The following KIAA0319L variants were observed in gnomAD, a reference collection of about 807,000 sequenced individuals.
KIAA0319L encodes the protein KIAA0319 like.
A neutral mutation model predicts 120.1 loss-of-function variants in KIAA0319L; 55 were observed. The observed-to-expected ratio is 0.46, with a 90% CI of 0.37 to 0.57. KIAA0319L has a LOEUF of 0.57. Ranked by LOEUF, KIAA0319L falls within the 20% of genes least tolerant of loss-of-function variation. KIAA0319L has a pLI of 0.00. For missense variants in KIAA0319L, 1,049 were observed against 1,255.3 expected (o/e 0.84, Z 2.48); for synonymous variants, 398 against 471.9 (o/e 0.84, Z 2.03).
chr1:35,446,038 G>A (rs766227946), intron 16 of KIAA0319L, among the ~76,000 whole-genome samples: 3 of 152,068 alleles, frequency 2.0e-5, no homozygotes, highest in Non-Finnish European at 4.4e-5. Flanking sequence ...ATCCCTAATC[G>A]TGCTATCTCT....
chr1:35,460,536 T>A, intron 8 of KIAA0319L, 99 bp from the exon 9 acceptor site: 1 of 1,088,018 alleles, frequency 9.2e-7, no homozygotes, highest in Non-Finnish European at 1.3e-6. Context: ...GATTTGAAGC[T>A]AGGAAAACTT....
intron 2 of KIAA0319L, among the ~76,000 whole-genome samples, chr1:35,552,949 T>G (rs896175048): frequency 6.6e-6 from 1 of 152,060 alleles, no homozygotes; most frequent in Non-Finnish European, 1.5e-5. Flanking sequence ...TAGCCGGGTG[T>G]GGTGGTGTGC....
At chr1:35,479,834 T>A (rs576606824) in intron 3 of KIAA0319L, among the ~76,000 whole-genome samples, 1 of 149,674 alleles carries the variant, frequency 6.7e-6, no homozygotes, top group East Asian at 2.0e-4. Context: ...GCCTGGGAGG[T>A]CAAGGCCGCA....
At chr1:35,471,503 T>G (rs1042304616) in intron 5 of KIAA0319L, among the ~76,000 whole-genome samples, 1 of 152,186 alleles carries the variant, frequency 6.6e-6, no homozygotes, top group South Asian at 2.1e-4. Flanking sequence ...TGGTAGGAGA[T>G]GGCCCATTTA....
intron 15 of KIAA0319L, among the ~76,000 whole-genome samples, chr1:35,449,611 C>T (rs960846323): frequency 2.0e-5 from 3 of 152,192 alleles, no homozygotes; most frequent in South Asian, 2.1e-4. Context: ...CTGTGTGACA[C>T]TGAGCAAGTC....
chr1:35,518,591 A>G (rs1645777801), intron 2 of KIAA0319L, among the ~76,000 whole-genome samples: 1 of 152,176 alleles, frequency 6.6e-6, no homozygotes, highest in African/African-American at 2.4e-5. Flanking sequence ...GCAGAAAAAA[A>G]TAACTATTGG....
intron 18 of KIAA0319L, 60 bp downstream of exon 18, chr1:35,442,846 T>C: frequency 3.7e-6 from 6 of 1,607,494 alleles, no homozygotes; most frequent in Non-Finnish European, 5.1e-6. Context: ...ACCCACCCAC[T>C]CAGTGCAGAA....
intron 2 of KIAA0319L, among the ~76,000 whole-genome samples, chr1:35,546,046 T>C (rs1428222107): frequency 6.6e-6 from 1 of 152,142 alleles, no homozygotes; most frequent in Non-Finnish European, 1.5e-5. Flanking sequence ...ATGAGACATC[T>C]TGGCTGGAGA....
At chr1:35,464,437 T>G (rs1390807386) in intron 7 of KIAA0319L, among the ~76,000 whole-genome samples, 1 of 152,104 alleles carries the variant, frequency 6.6e-6, no homozygotes, top group Non-Finnish European at 1.5e-5. Context: ...ACTTTGAACT[T>G]GAGAGATGAT....
At chr1:35,544,213 C>CAAAAA (rs1195149779) in intron 2 of KIAA0319L, among the ~76,000 whole-genome samples, 1 of 151,754 alleles carries the variant, frequency 6.6e-6, no homozygotes, top group Non-Finnish European at 1.5e-5. Flanking sequence ...ACTAAAAATA[C>CAAAAA]AAAAAATTAG....
chr1:35,492,850 G>A (rs776143517), intron 3 of KIAA0319L, among the ~76,000 whole-genome samples: 10 of 151,928 alleles, frequency 6.6e-5, no homozygotes, highest in Non-Finnish European at 1.5e-4. Context: ...GTAGACTTTC[G>A]CCACTTGGAT....
chr1:35,459,104 CAT>C (rs780609522), intron 9 of KIAA0319L, among the ~76,000 whole-genome samples: 3 of 152,138 alleles, frequency 2.0e-5, no homozygotes, highest in Admixed American at 6.5e-5. Flanking sequence ...GTAAATGCCA[CAT>C]AGAGGCCCTG....
chr1:35,478,902 A>T, intron 4 of KIAA0319L, 64 bp downstream of exon 4: 1 of 1,559,998 alleles, frequency 6.4e-7, no homozygotes, highest in Non-Finnish European at 8.7e-7. Context: ...CTTTCCTCTA[A>T]AAGGGAATAC....
chr1:35,440,854 A>C (rs1641156316), intron 20 of KIAA0319L, 193 bp downstream of exon 20: 1 of 596,286 alleles, frequency 1.7e-6, no homozygotes, highest in Admixed American at 2.8e-5. Context: ...TAGCACGCGA[A>C]GTGGGTCCTG....
At chr1:35,519,487 C>T (rs1056965328) in intron 2 of KIAA0319L, among the ~76,000 whole-genome samples, 17 of 152,122 alleles carry the variant, frequency 1.1e-4, no homozygotes, top group African/African-American at 3.6e-4. Flanking sequence ...AATTAAAACA[C>T]CCAAATTATT....
chr1:35,484,806 A>ATTTTTTTTT (rs1198710657), intron 3 of KIAA0319L, among the ~76,000 whole-genome samples: 1 of 86,264 alleles, frequency 1.2e-5, no homozygotes, highest in Non-Finnish European at 2.2e-5. Context: ...ATATATATAT[A>ATTTTTTTTT]TTTTTTTTTT....
intron 2 of KIAA0319L, among the ~76,000 whole-genome samples, chr1:35,538,215 C>A (rs535837635): frequency 6.6e-6 from 1 of 151,936 alleles, no homozygotes; most frequent in Non-Finnish European, 1.5e-5. Flanking sequence ...ACCTAAAATG[C>A]GTGTATCTAT....
intron 7 of KIAA0319L, among the ~76,000 whole-genome samples, chr1:35,465,741 C>T (rs935279590): frequency 6.6e-6 from 1 of 151,866 alleles, no homozygotes; most frequent in East Asian, 1.9e-4. Context: ...ACAATTCCCA[C>T]GTGTTGTGGG....
chr1:35,479,765 A>G (rs1257922166), intron 3 of KIAA0319L, among the ~76,000 whole-genome samples: 3 of 151,954 alleles, frequency 2.0e-5, no homozygotes, highest in African/African-American at 4.8e-5. Flanking sequence ...TTAGCTGGGC[A>G]TGGTGGCCAT....
Sources: gnomAD v4.1 joint callset for allele counts (sites outside exome capture counted in the v4.1 genomes callset) on GRCh38, gnomAD v4.1.1 for gene constraint, MANE v1.5 for transcripts, NCBI Gene and HGNC (gene_info 2026-07-23, HGNC 2026-07-21) for gene names.